VPS4B: variants seen among roughly 807,000 people sequenced by gnomAD.
VPS4B encodes vacuolar protein sorting-associated protein 4B.
Under a neutral mutation model 56.1 loss-of-function variants are expected in VPS4B, and 23 were observed. The ratio of observed to expected loss-of-function variants is 0.41; its 90% confidence interval spans 0.30 to 0.58. The LOEUF (loss-of-function observed/expected upper bound fraction) is 0.58. Among genes scored for constraint, VPS4B ranks in the 20% least tolerant of loss-of-function variants. The pLI is 0.29. For missense variants in VPS4B, 372 were observed against 531.9 expected (o/e 0.70, Z 2.96); for synonymous variants, 177 against 186.0 (o/e 0.95, Z 0.39).
intron 8 of VPS4B, among the ~76,000 whole-genome samples, chr18:63,397,582 T>C (rs1377740960): frequency 6.6e-6 from 1 of 152,316 alleles, no homozygotes; most frequent in Admixed American, 6.5e-5. Context: ...AAGGGACTAA[T>C]GATTAACAAT....
intron 1 of VPS4B, chr18:63,415,651 G>C: frequency 4.1e-6 from 1 of 245,842 alleles, no homozygotes; most frequent in South Asian, 6.4e-5. Flanking sequence ...CTGTCCAGTT[G>C]GTTGAGCAGT....
chr18:63,400,244 T>A, intron 6 of VPS4B, 48 bp from the exon 7 acceptor site: 1 of 1,519,024 alleles, frequency 6.6e-7, no homozygotes, highest in Non-Finnish European at 8.8e-7. Context: ...AGTAAAAGAT[T>A]AAAACAAAGT....
chr18:63,408,561 G>A (rs1469705523), intron 3 of VPS4B, among the ~76,000 whole-genome samples: 1 of 152,202 alleles, frequency 6.6e-6, no homozygotes, highest in Admixed American at 6.5e-5. Context: ...CTGCTCACAA[G>A]GAGACAGAAT....
At chr18:63,399,110 A>G (rs1599357791) in intron 8 of VPS4B, 132 bp downstream of exon 8, 1 of 684,862 alleles carries the variant, frequency 1.5e-6, no homozygotes, top group Non-Finnish European at 2.4e-6. Context: ...AAGGCAGGGG[A>G]GCAACAGGGT....
At chr18:63,421,867 G>A (rs1916309441) in intron 1 of VPS4B, among the ~76,000 whole-genome samples, 1 of 152,162 alleles carries the variant, frequency 6.6e-6, no homozygotes, top group Non-Finnish European at 1.5e-5. Context: ...AACTAAGACC[G>A]AACTATGACC....
intron 1 of VPS4B, among the ~76,000 whole-genome samples, chr18:63,417,128 C>G (rs1916185348): frequency 6.6e-6 from 1 of 152,048 alleles, no homozygotes; most frequent in Admixed American, 6.5e-5. Flanking sequence ...TTTTCAGTAT[C>G]TTCTTCCTTT....
chr18:63,402,089 A>G (rs1428543398), intron 5 of VPS4B, among the ~76,000 whole-genome samples: 1 of 152,238 alleles, frequency 6.6e-6, no homozygotes, highest in Non-Finnish European at 1.5e-5. Flanking sequence ...ATGCAGATGA[A>G]TAACACTGTT....
At chr18:63,391,213 A>C in intron 10 of VPS4B, 137 bp from the exon 11 acceptor site, 3 of 605,170 alleles carry the variant, frequency 5.0e-6, no homozygotes, top group East Asian at 3.3e-5. Flanking sequence ...TAAGATACTA[A>C]CGATAAACTC....
At chr18:63,418,739 A>G (rs1916225867) in intron 1 of VPS4B, among the ~76,000 whole-genome samples, 1 of 152,002 alleles carries the variant, frequency 6.6e-6, no homozygotes, top group East Asian at 1.9e-4. Flanking sequence ...CCAGGCTCCC[A>G]TTTCTCTCTC....
rs936268699 is a variant in VPS4B at position 63,389,635 on chromosome 18, G to A, written c.*1340C>T. On this transcript the variant is annotated 3_prime_UTR_variant, in exon 11 of 11. Transcript: ENST00000238497. ...ATAGCATCGTTTATTATTTTTTAAT[G>A]AGTCATGAGCTCATTTCTAAAGCTT... 6.6e-6 allele frequency: 1 copy of A among 152,482 alleles called. No individual in the cohort carries two copies. The highest frequency in any genetic ancestry group is 1.5e-5 in the Non-Finnish European group (1 of 68,006). 9.4% of individuals were successfully genotyped at this position (152,482 alleles called of 1,614,324 possible). A position where few individuals can be genotyped will look rare whatever the true frequency, so the allele number is the denominator to read the frequency against.
At chr18:63,419,426 A>G (rs146676940) in intron 1 of VPS4B, among the ~76,000 whole-genome samples, 2 of 152,114 alleles carry the variant, frequency 1.3e-5, no homozygotes, top group Non-Finnish European at 2.9e-5. Context: ...CAAAAAAAAA[A>G]AAATAAATGC....
At chr18:63,410,765 A>T (rs1465687757) in intron 2 of VPS4B, among the ~76,000 whole-genome samples, 1 of 152,238 alleles carries the variant, frequency 6.6e-6, no homozygotes, top group Non-Finnish European at 1.5e-5. Context: ...CAGATAGTTC[A>T]AAGTTGCTTG....
At chr18:63,411,648 A>T in intron 1 of VPS4B, 70 bp from the exon 2 acceptor site, 1 of 1,134,316 alleles carries the variant, frequency 8.8e-7, no homozygotes. Context: ...AAATAATCAT[A>T]CTGAAAGTTT....
At chr18:63,415,977 C>A in intron 1 of VPS4B, 3 of 222,492 alleles carry the variant, frequency 1.3e-5, no homozygotes, top group South Asian at 1.5e-4. Flanking sequence ...GCTGCTCGAT[C>A]ACTTCTGTGA....
chr18:63,405,381 C>T (rs1915893638), intron 4 of VPS4B, among the ~76,000 whole-genome samples: 1 of 151,200 alleles, frequency 6.6e-6, no homozygotes, highest in Non-Finnish European at 1.5e-5. Flanking sequence ...TAATCTAAAA[C>T]AGAAGTAAAA....
chr18:63,417,625 C>G (rs1916198642), intron 1 of VPS4B, among the ~76,000 whole-genome samples: 1 of 151,962 alleles, frequency 6.6e-6, no homozygotes, highest in Non-Finnish European at 1.5e-5. Context: ...GGCTGATGAT[C>G]TTTGTGTGTG....
chr18:63,405,796 A>AAAAC lies in VPS4B; in HGVS notation c.364+1632_364+1635dup, dbSNP rs548392723. Among the ~76,000 whole-genome samples, 1,338 of 151,304 alleles carry AAAAC rather than the reference A, an allele frequency of 8.8e-3. 14 individuals carry two copies. The highest frequency in any genetic ancestry group is 0.013 in the Non-Finnish European group (907 of 67,880). The stretch of plus-strand genomic sequence containing the variant: ...AACATGGCCAAACCCCACCTCTACA[A>AAAAC]AAACAAACAAACAAACAAACAAACA... On this transcript the variant is annotated intron_variant, in intron 4 of 10. Transcript: ENST00000238497.
At chr18:63,392,907 G>T (rs1915585377) in intron 10 of VPS4B, among the ~76,000 whole-genome samples, 1 of 151,870 alleles carries the variant, frequency 6.6e-6, no homozygotes, top group African/African-American at 2.4e-5. Context: ...CACACTGCCT[G>T]GCTAATTTTT....
chr18:63,394,607 T>C (rs750975952), intron 9 of VPS4B, among the ~76,000 whole-genome samples: 14 of 152,060 alleles, frequency 9.2e-5, no homozygotes, highest in Non-Finnish European at 1.8e-4. Context: ...GCTGGGATTA[T>C]AGGCGCCCGC....
Sources: allele counts gnomAD v4.1 joint callset (sites outside exome capture counted in the v4.1 genomes callset), GRCh38; gene constraint gnomAD v4.1.1; transcripts MANE v1.5; gene names NCBI Gene and HGNC (gene_info 2026-07-23, HGNC 2026-07-21).